The following KCNIP4 variants were observed in gnomAD, a reference collection of about 807,000 sequenced individuals.
KCNIP4 encodes the protein Kv channel-interacting protein 4.
Under a neutral mutation model 34.0 loss-of-function variants are expected in KCNIP4, and 12 were observed. The observed-to-expected ratio is 0.35, with a 90% CI of 0.23 to 0.57. KCNIP4 has a LOEUF of 0.57. Among genes scored for constraint, KCNIP4 ranks in the 20% least tolerant of loss-of-function variants. The probability of loss-of-function intolerance (pLI) is 0.83; values close to 1 mark genes in which losing one functional copy is unlikely to be tolerated. For missense variants in KCNIP4, 238 were observed against 311.7 expected, an observed-to-expected ratio of 0.76 and a Z score of 1.78; for synonymous variants, 124 against 102.2, an observed-to-expected ratio of 1.21 and a Z score of -1.29.
intron 1 of KCNIP4, among the ~76,000 whole-genome samples, chr4:21,518,435 G>A (rs1422638063): frequency 6.6e-6 from 1 of 152,068 alleles, no homozygotes. Context: ...AACACATATA[G>A]GCTGAACAGC....
chr4:21,043,186 C>A (rs1178960146), intron 1 of KCNIP4, among the ~76,000 whole-genome samples: 1 of 152,218 alleles, frequency 6.6e-6, no homozygotes, highest in Non-Finnish European at 1.5e-5. Context: ...CCTGTGACAA[C>A]AAGGCAGTCT....
At chr4:21,816,287 T>A (rs939413525) in intron 1 of KCNIP4, among the ~76,000 whole-genome samples, 1 of 152,122 alleles carries the variant, frequency 6.6e-6, no homozygotes, top group African/African-American at 2.4e-5. Context: ...CATTTCCAGA[T>A]AGGATTAAAC....
At chr4:20,798,254 A>C (rs559815714) in intron 3 of KCNIP4, among the ~76,000 whole-genome samples, 1 of 152,344 alleles carries the variant, frequency 6.6e-6, no homozygotes, top group African/African-American at 2.4e-5. Flanking sequence ...TCAAATACAC[A>C]TACTGCAGAT....
chr4:21,357,568 A>C (rs551001072), intron 1 of KCNIP4, among the ~76,000 whole-genome samples: 4 of 152,218 alleles, frequency 2.6e-5, no homozygotes, highest in Non-Finnish European at 1.5e-5. Flanking sequence ...ACATGAAAAA[A>C]TGCTCATCAT....
At chr4:21,680,875 A>G (rs1197217629) in intron 1 of KCNIP4, among the ~76,000 whole-genome samples, 3 of 152,192 alleles carry the variant, frequency 2.0e-5, no homozygotes, top group African/African-American at 7.2e-5. Context: ...GAGCAGAGAC[A>G]GAGTAGATTT....
At chr4:21,317,977 T>G (rs948593160) in intron 1 of KCNIP4, among the ~76,000 whole-genome samples, 4 of 152,160 alleles carry the variant, frequency 2.6e-5, no homozygotes, top group African/African-American at 9.7e-5. Context: ...AATTGCCCAG[T>G]CTTGGGTATG....
chr4:21,811,470 T>C (rs1721648080), intron 1 of KCNIP4, among the ~76,000 whole-genome samples: 3 of 152,332 alleles, frequency 2.0e-5, no homozygotes, highest in South Asian at 4.1e-4. Context: ...CCAGGTGTTT[T>C]CAATAAAACC....
intron 1 of KCNIP4, among the ~76,000 whole-genome samples, chr4:21,840,900 T>C (rs1289035756): frequency 2.0e-5 from 3 of 152,176 alleles, no homozygotes; most frequent in Admixed American, 2.0e-4. Flanking sequence ...AATTTCTTTA[T>C]TGCTTATGTC....
intron 1 of KCNIP4, among the ~76,000 whole-genome samples, chr4:21,712,445 T>A (rs1026372391): frequency 6.6e-6 from 1 of 152,208 alleles, no homozygotes; most frequent in Non-Finnish European, 1.5e-5. Flanking sequence ...CTGAGAAGTA[T>A]CTTTTCAATA....
intron 1 of KCNIP4, among the ~76,000 whole-genome samples, chr4:21,091,420 A>G (rs1029855640): frequency 6.6e-6 from 1 of 152,226 alleles, no homozygotes; most frequent in Non-Finnish European, 1.5e-5. Context: ...TAAGATAACA[A>G]GGTAATTTCA....
At chr4:21,209,814 G>A (rs533868028) in intron 1 of KCNIP4, among the ~76,000 whole-genome samples, 2 of 152,236 alleles carry the variant, frequency 1.3e-5, no homozygotes, top group South Asian at 2.1e-4. Context: ...TGATAACTGA[G>A]TTTAATCCTC....
chr4:21,499,330 C>CAAAAA (rs527385773), intron 1 of KCNIP4, among the ~76,000 whole-genome samples: 5 of 98,256 alleles, frequency 5.1e-5, no homozygotes, highest in South Asian at 3.8e-4. Context: ...GACTCCATCT[C>CAAAAA]AAAAAAAAAA....
chr4:21,086,596 CAT>C (rs1746452405), intron 1 of KCNIP4, among the ~76,000 whole-genome samples: 1 of 152,128 alleles, frequency 6.6e-6, no homozygotes, highest in Admixed American at 6.5e-5. Context: ...TCCTGGGAAA[CAT>C]ACTTTACATA....
chr4:21,113,055 A>G (rs553805006), intron 1 of KCNIP4, among the ~76,000 whole-genome samples: 210 of 152,304 alleles, frequency 1.4e-3, no homozygotes, highest in African/African-American at 4.8e-3. Context: ...CATAAATATA[A>G]GATTTTTGAT....
At chr4:21,804,639 C>A (rs553447996) in intron 1 of KCNIP4, among the ~76,000 whole-genome samples, 7 of 152,076 alleles carry the variant, frequency 4.6e-5, no homozygotes, top group Non-Finnish European at 8.8e-5. Flanking sequence ...GACTTTAAAC[C>A]ACTGCCACTT....
intron 1 of KCNIP4, among the ~76,000 whole-genome samples, chr4:21,665,704 T>C (rs1432896474): frequency 6.6e-6 from 1 of 152,192 alleles, no homozygotes; most frequent in East Asian, 1.9e-4. Context: ...TAGTGCTGTC[T>C]GCAATGAACA....
At chr4:21,509,161 A>G (rs554672352) in intron 1 of KCNIP4, among the ~76,000 whole-genome samples, 7 of 152,248 alleles carry the variant, frequency 4.6e-5, no homozygotes, top group South Asian at 2.1e-4. Context: ...TGAGATTTCT[A>G]TGAAAACTGG....
chr4:21,328,683 G>C (rs891169179), intron 1 of KCNIP4, among the ~76,000 whole-genome samples: 1 of 152,196 alleles, frequency 6.6e-6, no homozygotes, highest in Admixed American at 6.5e-5. Flanking sequence ...AAGTTCCACT[G>C]GTCCCAGACA....
intron 1 of KCNIP4, among the ~76,000 whole-genome samples, chr4:21,062,096 A>G (rs1461987764): frequency 6.6e-6 from 1 of 152,182 alleles, no homozygotes; most frequent in Non-Finnish European, 1.5e-5. Flanking sequence ...TGGAAAGTGA[A>G]TACAAATAAT....
Sources: gnomAD v4.1 joint callset for allele counts (sites outside exome capture counted in the v4.1 genomes callset) on GRCh38, gnomAD v4.1.1 for gene constraint, MANE v1.5 for transcripts, NCBI Gene and HGNC (gene_info 2026-07-23, HGNC 2026-07-21) for gene names.